Variants in CLDN18 observed in about 807,000 individuals in gnomAD.
CLDN18 encodes claudin 18.
CLDN18 carries 20 observed loss-of-function variants against 25.0 expected under a neutral mutation model. That is an observed-to-expected ratio of 0.80 (90% confidence interval 0.56 to 1.16). The LOEUF (loss-of-function observed/expected upper bound fraction) is 1.16, where lower values mean the gene tolerates loss of function less well. Ranked by LOEUF, CLDN18 falls within the 50% of genes most tolerant of loss-of-function variation. The probability of loss-of-function intolerance (pLI) is 0.00; values close to 1 mark genes in which losing one functional copy is unlikely to be tolerated. For synonymous variants in CLDN18, 125 were observed against 135.6 expected (o/e 0.92, Z 0.54); for missense variants, 297 against 345.4 (o/e 0.86, Z 1.11).
chr3:138,011,938 C>G (rs570719540), intron 1 of CLDN18, among the ~76,000 whole-genome samples: 1 of 152,284 alleles, frequency 6.6e-6, no homozygotes. Context: ...CACCTCTCCC[C>G]CTTGATGGAA....
chr3:138,012,263 T>G (rs986385199), intron 1 of CLDN18, among the ~76,000 whole-genome samples: 1 of 152,216 alleles, frequency 6.6e-6, no homozygotes, highest in Non-Finnish European at 1.5e-5. Context: ...TTCATCTCTA[T>G]AGAATGTTTG....
chr3:138,015,979 A>G (rs1942198649), intron 1 of CLDN18, among the ~76,000 whole-genome samples: 1 of 152,218 alleles, frequency 6.6e-6, no homozygotes, highest in South Asian at 2.1e-4. Flanking sequence ...GTATATTACC[A>G]GCTCTGTATA....
chr3:138,021,521 A>G lies in CLDN18; in HGVS notation c.221-2137A>G, dbSNP rs541891890. 9.9e-5 allele frequency among the ~76,000 whole-genome samples: 15 copies of G among 152,152 alleles called. No homozygotes were observed. In the South Asian group the frequency reaches 3.1e-3, roughly 32 times the overall value. ...TTAAAAAATTCCTTCCTGGAAAACT[A>G]CCCACCAGGATGCTAAAGGTGGCTA... On this transcript the variant is annotated intron_variant, in intron 1 of 4. Coordinates refer to ENST00000183605, the MANE Select transcript of CLDN18 (RefSeq NM_016369.4).
intron 1 of CLDN18, among the ~76,000 whole-genome samples, chr3:138,011,515 G>A (rs1039035579): frequency 7.9e-5 from 12 of 152,080 alleles, no homozygotes; most frequent in South Asian, 2.1e-4. Context: ...GACTGACTCC[G>A]GGGAAAGACC....
upstream of CLDN18, chr3:138,009,925 G>C: frequency 2.7e-6 from 1 of 370,930 alleles, no homozygotes; most frequent in East Asian, 4.9e-5. Context: ...GCTGGAGGGA[G>C]GCCGGTCTGG....
intron 1 of CLDN18, among the ~76,000 whole-genome samples, chr3:138,002,555 A>G (rs548852219): frequency 6.6e-6 from 1 of 152,252 alleles, no homozygotes; most frequent in African/African-American, 2.4e-5. Flanking sequence ...AACATAATCC[A>G]TAAGTAGCCA....
At position 138,033,069 on chromosome 3, in the gene CLDN18, G is replaced by A. The variant is rs9825593; in HGVS notation, c.*1928G>A. The A allele has an allele frequency of 1.5e-3, 236 of 152,340 alleles. 1 individual carries two copies. Among genetic ancestry groups the A allele is most frequent in the Admixed American group, 4.6e-3 (71 of 15,302 alleles). The allele number at this position is 152,340 out of a possible 1,614,324, so 9.4% of individuals were successfully genotyped here. On this transcript the variant is annotated 3_prime_UTR_variant, in exon 5 of 5. Coordinates refer to ENST00000183605, the MANE Select transcript of CLDN18 (RefSeq NM_016369.4). ...CCTCACATCAATAGTACATATGAAAGTGACCTCCAAGGGGATTGGTGAATA... is the reference window on the plus strand; with the variant it reads ...CCTCACATCAATAGTACATATGAAAATGACCTCCAAGGGGATTGGTGAATA...
chr3:138,025,432 A>G (rs114098794), intron 3 of CLDN18, among the ~76,000 whole-genome samples: 2,127 of 152,332 alleles, frequency 0.014, 37 homozygotes, highest in African/African-American at 0.048. Context: ...CAAATTCCTG[A>G]AAAAGAAAGA....
chr3:138,022,623 T>C (rs529465334), intron 1 of CLDN18, among the ~76,000 whole-genome samples: 9 of 152,288 alleles, frequency 5.9e-5, no homozygotes, highest in South Asian at 2.1e-4. Context: ...GATAAAACAA[T>C]TGGTGTCTAG....
At chr3:137,999,095 G>T in intron 1 of CLDN18, 1 of 1,613,436 alleles carries the variant, frequency 6.2e-7, no homozygotes, top group Non-Finnish European at 8.5e-7. Flanking sequence ...CCAGGTAAGG[G>T]CCAGGTGTCT....
intron 1 of CLDN18, among the ~76,000 whole-genome samples, chr3:138,004,108 AG>A (rs1331444190): frequency 1.3e-5 from 2 of 152,180 alleles, no homozygotes; most frequent in Non-Finnish European, 2.9e-5. Flanking sequence ...CTGGAGGTGG[AG>A]GTTGCAGTGG....
At chr3:138,004,043 G>A (rs1469717090) in intron 1 of CLDN18, among the ~76,000 whole-genome samples, 2 of 152,092 alleles carry the variant, frequency 1.3e-5, no homozygotes, top group East Asian at 1.9e-4. Flanking sequence ...GTGTGGTGGT[G>A]CACGCCTGTA....
At chr3:138,016,181 G>T (rs1177209714) in intron 1 of CLDN18, among the ~76,000 whole-genome samples, 1 of 152,206 alleles carries the variant, frequency 6.6e-6, no homozygotes, top group Non-Finnish European at 1.5e-5. Flanking sequence ...CTGAGGCTGG[G>T]GGTGAGGGAA....
In CLDN18 at chr3:138,010,546, G is replaced by C. The variant is rs1942124975; in HGVS notation, c.220+101G>C. 6.2e-6 allele frequency: 9 copies of C among 1,440,880 alleles called. No individual in the cohort carries two copies. The South Asian group carries it at 1.1e-4, about 18-fold the overall frequency. 89.3% of individuals were successfully genotyped at this position (1,440,880 alleles called of 1,614,324 possible). A position where few individuals can be genotyped will look rare whatever the true frequency, so the allele number is the denominator to read the frequency against. ...CTCCCACCTCTGGGTGAGGACCCTG[G>C]CAGCTCTGGCTCAGAATGAAAGGTG... On this transcript the variant is annotated intron_variant, in intron 1 of 4. Coordinates refer to ENST00000183605, the MANE Select transcript of CLDN18 (RefSeq NM_016369.4).
Position 138,033,387 on chromosome 3 carries a change from C to G in CLDN18, c.*2246C>G, listed in dbSNP as rs1389984893. 1 of 152,168 alleles carries G rather than the reference C, an allele frequency of 6.6e-6. No individual in the cohort carries two copies. The highest frequency in any genetic ancestry group is 1.9e-4 in the East Asian group (1 of 5,188). 9.4% of individuals were successfully genotyped at this position (152,168 alleles called of 1,614,324 possible). Reference sequence around the variant, plus strand: ...CTCTGGATTTGAGTTGAAGAGCATCCATTTGAGTTGAAGGCCACAGGGCAC... The same window carrying G: ...CTCTGGATTTGAGTTGAAGAGCATCGATTTGAGTTGAAGGCCACAGGGCAC... On this transcript the variant is annotated 3_prime_UTR_variant, in exon 5 of 5. Coordinates refer to ENST00000183605, the MANE Select transcript of CLDN18 (RefSeq NM_016369.4).
Position 138,029,848 on chromosome 3 carries a change from A to G in CLDN18, c.555A>G (p.Thr185=). ...LFVGWVAGGL[T]LIGGVMMCIA... is the part of the protein sequence containing the mutation. Reference sequence around the variant, plus strand: ...TGGGCTGGGTCGCTGGAGGCCTCACACTAATTGGGGGTGTGATGATGTGCA... The same window carrying G: ...TGGGCTGGGTCGCTGGAGGCCTCACGCTAATTGGGGGTGTGATGATGTGCA... The change falls in exon 4 of 5, where the codon ACA becomes ACG. Residue 185 remains threonine (T), a synonymous_variant. Coordinates refer to ENST00000183605, the MANE Select transcript of CLDN18 (RefSeq NM_016369.4). 1 of 1,597,626 alleles carries G rather than the reference A, an allele frequency of 6.3e-7. No homozygotes were observed. The highest frequency in any genetic ancestry group is 8.5e-7 in the Non-Finnish European group (1 of 1,172,928).
chr3:138,023,270 A>G (rs923286740), intron 1 of CLDN18, among the ~76,000 whole-genome samples: 1 of 152,264 alleles, frequency 6.6e-6, no homozygotes, highest in Non-Finnish European at 1.5e-5. Context: ...AGTCACAGCT[A>G]TAAGCTCTAT....
At position 138,032,408 on chromosome 3, in the gene CLDN18, T is replaced by C. The variant is rs1366123843; in HGVS notation, c.*1267T>C. The C allele has an allele frequency of 6.6e-6, 1 of 151,162 alleles. No individual in the cohort carries two copies. Among genetic ancestry groups the C allele is most frequent in the Non-Finnish European group, 1.5e-5 (1 of 67,940 alleles). The allele number at this position is 151,162 out of a possible 1,614,324, so 9.4% of individuals were successfully genotyped here. On this transcript the variant is annotated 3_prime_UTR_variant, in exon 5 of 5. Transcript: ENST00000183605. ...ACCACTGCACTCCAGCCAGGTGACATAGCGAGATCCTGTCTAAAAAAATAA... is the reference window on the plus strand; with the variant it reads ...ACCACTGCACTCCAGCCAGGTGACACAGCGAGATCCTGTCTAAAAAAATAA...
chr3:138,027,696 A>G (rs1942342060), intron 3 of CLDN18, among the ~76,000 whole-genome samples: 2 of 152,314 alleles, frequency 1.3e-5, no homozygotes, highest in Non-Finnish European at 2.9e-5. Context: ...AATTGTTGTT[A>G]TCATCATTAG....
Sources: gnomAD v4.1 joint callset for allele counts (sites outside exome capture counted in the v4.1 genomes callset) on GRCh38, gnomAD v4.1.1 for gene constraint, MANE v1.5 for transcripts, NCBI Gene and HGNC (gene_info 2026-07-23, HGNC 2026-07-21) for gene names.